Variants in RBFOX1 observed in about 807,000 individuals in gnomAD.
RBFOX1 encodes RNA binding fox-1 homolog 1, also known as RNA binding protein fox-1 homolog 1.
Under a neutral mutation model 57.7 loss-of-function variants are expected in RBFOX1, and 8 were observed. The observed-to-expected ratio is 0.14, with a 90% CI of 0.08 to 0.25. RBFOX1 has a LOEUF of 0.25. RBFOX1 is among the 10% of genes least tolerant of loss of function. The pLI is 1.00. For missense variants in RBFOX1, 611 were observed against 548.5 expected (o/e 1.11, Z -1.14); for synonymous variants, 326 against 222.4 (o/e 1.47, Z -4.15).
chr16:7,157,024 A>T (rs76422736), intron 4 of RBFOX1, among the ~76,000 whole-genome samples: 3 of 152,198 alleles, frequency 2.0e-5, no homozygotes, highest in African/African-American at 7.2e-5. Flanking sequence ...TGAAAGGCTG[A>T]AGGAAATTTA....
chr16:7,710,423 G>T, intron 15 of RBFOX1, 200 bp from the exon 16 acceptor site: 5 of 1,395,942 alleles, frequency 3.6e-6, no homozygotes, highest in Non-Finnish European at 4.6e-6. Context: ...GGTTTTGCAG[G>T]GAATTTCTTT....
chr16:7,691,876 G>T (rs1222311832), intron 14 of RBFOX1, among the ~76,000 whole-genome samples: 1 of 152,032 alleles, frequency 6.6e-6, no homozygotes, highest in African/African-American at 2.4e-5. Context: ...AAATCATGTC[G>T]CCATTCTTGC....
intron 1 of RBFOX1, among the ~76,000 whole-genome samples, chr16:6,032,882 G>GTT (rs34481482): frequency 0.013 from 1,875 of 139,952 alleles, 17 homozygotes; most frequent in East Asian, 0.06. Context: ...CCTAGTGTAA[G>GTT]TTTTTTTTTT....
At chr16:5,629,188 C>T (rs2030254371) in intron 3 of RBFOX1, among the ~76,000 whole-genome samples, 1 of 152,234 alleles carries the variant, frequency 6.6e-6, no homozygotes, top group Non-Finnish European at 1.5e-5. Context: ...CTGAATTCAA[C>T]TCACAGAATG....
intron 3 of RBFOX1, among the ~76,000 whole-genome samples, chr16:6,865,934 T>G (rs961952759): frequency 2.0e-5 from 3 of 152,176 alleles, no homozygotes; most frequent in African/African-American, 7.2e-5. Context: ...CCACCTCATT[T>G]GGTTCTTGCA....
chr16:6,760,174 A>G (rs148163822), intron 3 of RBFOX1, among the ~76,000 whole-genome samples: 90 of 152,326 alleles, frequency 5.9e-4, no homozygotes, highest in African/African-American at 1.9e-3. Context: ...AAGCATCGCT[A>G]TGTTTGACTC....
At chr16:5,755,973 A>C (rs2053379982) in intron 3 of RBFOX1, among the ~76,000 whole-genome samples, 1 of 152,088 alleles carries the variant, frequency 6.6e-6, no homozygotes, top group Non-Finnish European at 1.5e-5. Context: ...GGCAGACATC[A>C]CAGTTTGAAA....
intron 2 of RBFOX1, among the ~76,000 whole-genome samples, chr16:6,379,953 T>G (rs962475611): frequency 1.3e-5 from 2 of 152,114 alleles, no homozygotes; most frequent in Non-Finnish European, 2.9e-5. Flanking sequence ...GGTGTCCACA[T>G]GATACAGCAG....
intron 4 of RBFOX1, among the ~76,000 whole-genome samples, chr16:7,246,161 C>A (rs987566461): frequency 3.7e-4 from 56 of 152,242 alleles, no homozygotes; most frequent in African/African-American, 1.3e-3. Flanking sequence ...TTCAAGTTTG[C>A]TGAAGCCAAG....
intron 4 of RBFOX1, among the ~76,000 whole-genome samples, chr16:7,214,063 T>C (rs931244208): frequency 6.8e-6 from 1 of 147,800 alleles, no homozygotes; most frequent in Non-Finnish European, 1.5e-5. Context: ...TGGAAGCTTC[T>C]GAGCTTGCTA....
chr16:7,324,446 C>A lies in RBFOX1; in HGVS notation c.28-193701C>A, dbSNP rs140468894. On this transcript the variant is annotated intron_variant, in intron 4 of 15. Transcript: ENST00000550418. The stretch of plus-strand genomic sequence containing the variant: ...CCAGCGGAGTAGCTGCATCCTCCCC[C>A]CTTCTGAGAGGCCTCAGGGGGTATT... 5.9e-5 allele frequency among the ~76,000 whole-genome samples: 9 copies of A among 152,238 alleles called. No individual in the cohort carries two copies. In the South Asian group the frequency reaches 1.0e-3, roughly 18 times the overall value.
intron 1 of RBFOX1, among the ~76,000 whole-genome samples, chr16:5,463,522 G>A (rs28634896): frequency 0.49 from 74,981 of 151,990 alleles, 20,069 homozygotes; most frequent in East Asian, 0.6. Flanking sequence ...CATGGTGGCC[G>A]GGCGTGGTGG....
intron 2 of RBFOX1, among the ~76,000 whole-genome samples, chr16:6,410,417 T>C (rs1339863748): frequency 3.3e-5 from 5 of 149,666 alleles, no homozygotes; most frequent in Non-Finnish European, 7.4e-5. Context: ...GTTCAGGCCA[T>C]TCTCCTGCCT....
intron 2 of RBFOX1, among the ~76,000 whole-genome samples, chr16:6,320,222 A>G (rs1399453003): frequency 6.6e-6 from 1 of 152,196 alleles, no homozygotes; most frequent in Non-Finnish European, 1.5e-5. Context: ...TGCTTGTATC[A>G]CACAGGAGAT....
At chr16:7,665,431 A>C (rs934045392) in intron 13 of RBFOX1, among the ~76,000 whole-genome samples, 52 of 152,312 alleles carry the variant, frequency 3.4e-4, no homozygotes, top group Non-Finnish European at 1.0e-4. Flanking sequence ...TTCTCTCTCT[A>C]GACATGGACA....
intron 5 of RBFOX1, among the ~76,000 whole-genome samples, chr16:7,559,458 A>G (rs2089750067): frequency 6.6e-6 from 1 of 152,182 alleles, no homozygotes; most frequent in Non-Finnish European, 1.5e-5. Context: ...ACCTGCCTCC[A>G]ACCCCAACCC....
chr16:7,276,601 T>A (rs2095445050), intron 4 of RBFOX1, among the ~76,000 whole-genome samples: 1 of 152,160 alleles, frequency 6.6e-6, no homozygotes, highest in South Asian at 2.1e-4. Flanking sequence ...TTAATTCATT[T>A]TATGCCTCTG....
Position 5,470,040 on chromosome 16 carries a change from G to C in RBFOX1, c.258+2786G>C, listed in dbSNP as rs73528622. ...TAGGAGTGGAATTGTTGGGCCATAT[G>C]GTAATTCTGTGTTTAACTTATTGAG... On this transcript the variant is annotated intron_variant, in intron 2 of 2. Transcript: ENST00000585867. Among the ~76,000 whole-genome samples the C allele has an allele frequency of 3.0e-3, 455 of 152,282 alleles. 2 individuals are homozygous for C. Among genetic ancestry groups the C allele is most frequent in the African/African-American group, 0.01 (436 of 41,556 alleles).
At chr16:5,693,719 C>G in intron 3 of RBFOX1, among the ~76,000 whole-genome samples, 1 of 152,194 alleles carries the variant, frequency 6.6e-6, no homozygotes, top group East Asian at 1.9e-4. Flanking sequence ...CAGTGACTTC[C>G]TCTTTCCCAT....
Sources: gnomAD v4.1 joint callset for allele counts (sites outside exome capture counted in the v4.1 genomes callset) on GRCh38, gnomAD v4.1.1 for gene constraint, MANE v1.5 for transcripts, NCBI Gene and HGNC (gene_info 2026-07-23, HGNC 2026-07-21) for gene names.